Variants in RAMP2 observed in about 807,000 individuals in gnomAD.
The protein encoded by RAMP2 is receptor activity modifying protein 2, also known as receptor activity-modifying protein 2.
RAMP2 carries 11 observed loss-of-function variants against 18.2 expected under a neutral mutation model. The ratio of observed to expected loss-of-function variants is 0.60; its 90% CI spans 0.38 to 1.00. The LOEUF is 1.00. RAMP2 is among the 50% of genes least tolerant of loss of function. The probability of loss-of-function intolerance (pLI) is 0.01; values close to 1 mark genes in which losing one functional copy is unlikely to be tolerated. For missense variants in RAMP2, 191 were observed against 226.5 expected (o/e 0.84, Z 1.01); for synonymous variants, 86 against 90.8 (o/e 0.95, Z 0.30).
In RAMP2 at chr17:42,762,458, T is replaced by C; in HGVS notation, c.267T>C (p.Ile89=). The change falls in exon 3 of 4, where the codon ATT becomes ATC. Residue 89 remains isoleucine (I), a synonymous_variant. Coordinates refer to ENST00000253796, the MANE Select transcript of RAMP2 (RefSeq NM_005854.3). ...AGGATTGGTGCGACTGGGCCATGAT[T>C]AGCAGGTAGGGGCAGTGATGGAGGG... The part of the protein sequence containing the change: ...IEKDWCDWAM[I]SRPYSTLRDC... 6 of 1,614,024 alleles carry C rather than the reference T, an allele frequency of 3.7e-6. No homozygotes were observed. The highest frequency in any genetic ancestry group is 5.1e-6 in the Non-Finnish European group (6 of 1,179,954).
chr17:42,762,121 G>T (rs2054369397), intron 2 of RAMP2, among the ~76,000 whole-genome samples: 1 of 152,220 alleles, frequency 6.6e-6, no homozygotes, highest in South Asian at 2.1e-4. Context: ...AAGACCCCAG[G>T]AAAAGGTGTA....
At position 42,761,715 on chromosome 17, in the gene RAMP2, TTCC is replaced by T. The variant is rs2054365859; in HGVS notation, c.98-114_98-112del. ...TGAGGCGTCCGTGGGGGCTAGATTA[TTCC>T]TCCTTTTCTTCCAAGGTAGCCTATT... is the stretch of plus-strand genomic sequence containing the variant. On this transcript the variant is annotated intron_variant, in intron 1 of 3. Coordinates refer to ENST00000253796, the MANE Select transcript of RAMP2 (RefSeq NM_005854.3). The surrounding 1 kb of genome is among the most constrained non-coding windows in gnomAD (Gnocchi z 4.2). 1 of 862,216 alleles carries T rather than the reference TTCC, an allele frequency of 1.2e-6. No homozygotes were observed. The highest frequency in any genetic ancestry group is 1.9e-6 in the Non-Finnish European group (1 of 534,496). 53.4% of individuals were successfully genotyped at this position (862,216 alleles called of 1,614,324 possible).
Position 42,761,752 on chromosome 17 carries a change from G to A in RAMP2, c.98-82G>A. 8.3e-7 allele frequency: 1 copy of A among 1,204,174 alleles called. No individual in the cohort carries two copies. Among genetic ancestry groups the A allele is most frequent in the Non-Finnish European group, 1.2e-6 (1 of 818,750 alleles). The allele number at this position is 1,204,174 out of a possible 1,614,324, so 74.6% of individuals were successfully genotyped here. ...TTCCAAGGTAGCCTATTTTCGGAGG[G>A]TCTCAGTCCCCCAACCCCCCTCGCA... On this transcript the variant is annotated intron_variant, in intron 1 of 3. Coordinates refer to ENST00000253796, the MANE Select transcript of RAMP2 (RefSeq NM_005854.3). This position sits in a 1 kb window ranked among gnomAD's most constrained non-coding sequence, Gnocchi z 4.2.
chr17:42,762,308 T>G (rs956362548), intron 2 of RAMP2, 47 bp from the exon 3 acceptor site: 1 of 1,612,510 alleles, frequency 6.2e-7, no homozygotes, highest in Non-Finnish European at 8.5e-7. Context: ...GGAGGGTTTG[T>G]AGGGAGGGGT....
chr17:42,762,230 G>C (rs1486457301), intron 2 of RAMP2, 125 bp from the exon 3 acceptor site: 11 of 1,425,506 alleles, frequency 7.7e-6, no homozygotes, highest in Non-Finnish European at 7.8e-6. Flanking sequence ...AGAATGTTTT[G>C]CTAGGGAAAC....
Position 42,761,432 on chromosome 17 carries a change from G to A in RAMP2, c.97+74G>A. The A allele has an allele frequency of 1.7e-6, 2 of 1,184,908 alleles. No individual in the cohort carries two copies. The highest frequency in any genetic ancestry group is 4.0e-5 in the Admixed American group (1 of 24,770). The allele number at this position is 1,184,908 out of a possible 1,614,324, so 73.4% of individuals were successfully genotyped here. A position where few individuals can be genotyped will look rare whatever the true frequency, so the allele number is the denominator to read the frequency against. ...AGGGGAGAGGGGAGAGGGGAGAGGG[G>A]CTGGATGGCCGAGGCCGGAACGGGC... On this transcript the variant is annotated intron_variant, in intron 1 of 3. Coordinates refer to ENST00000253796, the MANE Select transcript of RAMP2 (RefSeq NM_005854.3). The surrounding 1 kb of genome is among the most constrained non-coding windows in gnomAD (Gnocchi z 4.2).
Position 42,761,658 on chromosome 17 carries a change from G to A in RAMP2, c.98-176G>A, listed in dbSNP as rs1469504053. Among the ~76,000 whole-genome samples, 2 of 152,124 alleles carry A rather than the reference G, an allele frequency of 1.3e-5. No homozygotes were observed. Among genetic ancestry groups the A allele is most frequent in the Non-Finnish European group, 2.9e-5 (2 of 67,990 alleles). On this transcript the variant is annotated intron_variant, in intron 1 of 3. Transcript: ENST00000253796. This position sits in a 1 kb window ranked among gnomAD's most constrained non-coding sequence, Gnocchi z 4.2. ...CTTTGGGCCTGGGTGTGAGTGACAA[G>A]GAGCTGGTGCCAGCCCCTCCCTCCC...
chr17:42,761,745 T>C lies in RAMP2; in HGVS notation c.98-89T>C. On this transcript the variant is annotated intron_variant, in intron 1 of 3. Transcript: ENST00000253796. This position sits in a 1 kb window ranked among gnomAD's most constrained non-coding sequence, Gnocchi z 4.2. ...CCTTTTCTTCCAAGGTAGCCTATTT[T>C]CGGAGGGTCTCAGTCCCCCAACCCC... is the stretch of plus-strand genomic sequence containing the variant. 1 of 1,107,670 alleles carries C rather than the reference T, an allele frequency of 9.0e-7. No individual in the cohort carries two copies. Among genetic ancestry groups the C allele is most frequent in the Admixed American group, 1.9e-5 (1 of 52,164 alleles). 68.6% of individuals were successfully genotyped at this position (1,107,670 alleles called of 1,614,324 possible).
rs1031381841 is a variant in RAMP2, at chr17:42,761,412, A to G, written c.97+54A>G. The G allele has an allele frequency of 1.0e-5, 12 of 1,199,728 alleles. No individual in the cohort carries two copies. The highest frequency in any genetic ancestry group is 1.3e-5 in the Non-Finnish European group (12 of 933,962). 74.3% of individuals were successfully genotyped at this position (1,199,728 alleles called of 1,614,324 possible). Reference sequence around the variant, plus strand: ...GGAGGCGCGAGAGGCCCCGGAGGGGAGAGGGGAGAGGGGAGAGGGGCTGGA... The same window carrying G: ...GGAGGCGCGAGAGGCCCCGGAGGGGGGAGGGGAGAGGGGAGAGGGGCTGGA... On this transcript the variant is annotated intron_variant, in intron 1 of 3. Coordinates refer to ENST00000253796, the MANE Select transcript of RAMP2 (RefSeq NM_005854.3). The surrounding 1 kb of genome is among the most constrained non-coding windows in gnomAD (Gnocchi z 4.2).
chr17:42,761,830 A>G lies in RAMP2; in HGVS notation c.98-4A>G, dbSNP rs570590492. The G allele has an allele frequency of 2.5e-6, 4 of 1,576,040 alleles. No homozygotes were observed. The South Asian group carries it at 4.4e-5, about 17-fold the overall frequency. On this transcript the variant is annotated splice_region_variant and splice_polypyrimidine_tract_variant and intron_variant, in intron 1 of 3. Coordinates refer to ENST00000253796, the MANE Select transcript of RAMP2 (RefSeq NM_005854.3). The surrounding 1 kb of genome is among the most constrained non-coding windows in gnomAD (Gnocchi z 4.2). ...TTACCCTCCTCTCCCGTTTCTTCCC[A>G]CAGCTGTCCTGAATCCCCACGAGGC... is the stretch of plus-strand genomic sequence containing the variant.
In RAMP2 at chr17:42,761,581, C is replaced by G. The variant is rs904781462; in HGVS notation, c.97+223C>G. 1.3e-5 allele frequency among the ~76,000 whole-genome samples: 2 copies of G among 152,100 alleles called. No individual in the cohort carries two copies. The highest frequency in any genetic ancestry group is 6.5e-5 in the Admixed American group (1 of 15,268). On this transcript the variant is annotated intron_variant, in intron 1 of 3. Coordinates refer to ENST00000253796, the MANE Select transcript of RAMP2 (RefSeq NM_005854.3). This position sits in a 1 kb window ranked among gnomAD's most constrained non-coding sequence, Gnocchi z 4.2. ...CCAGGGAAAGCTGGGGTGCTGGCCC[C>G]GGCCCCTCGAAGAGGGCTTAGGAGG...
intron 2 of RAMP2, 76 bp from the exon 3 acceptor site, chr17:42,762,279 C>G: frequency 6.2e-7 from 1 of 1,602,552 alleles, no homozygotes; most frequent in Non-Finnish European, 8.5e-7. Context: ...AGGCAGTTCA[C>G]CTTGCAAGCA....
In RAMP2 at chr17:42,762,697, C is replaced by A; in HGVS notation, c.373C>A (p.Gln125Lys). 1 of 1,614,118 alleles carries A rather than the reference C, an allele frequency of 6.2e-7. No individual in the cohort carries two copies. Among genetic ancestry groups the A allele is most frequent in the South Asian group, 1.1e-5 (1 of 91,088 alleles). The change falls in exon 4 of 4, where the codon CAG (glutamine) becomes AAG (lysine). Residue 125 changes from glutamine to lysine, a missense_variant. Gln to Lys is a moderately conservative substitution (Grantham distance 53, BLOSUM62 1). Coordinates refer to ENST00000253796, the MANE Select transcript of RAMP2 (RefSeq NM_005854.3). ...LAERIIFETH[Q>K]IHFANCSLVQ... The stretch of plus-strand genomic sequence containing the variant: ...AGAGAGGATCATCTTTGAGACTCAC[C>A]AGATCCACTTTGCCAACTGCTCCCT...
Position 42,761,509 on chromosome 17 carries a change from G to A in RAMP2, c.97+151G>A. On this transcript the variant is annotated intron_variant, in intron 1 of 3. Coordinates refer to ENST00000253796, the MANE Select transcript of RAMP2 (RefSeq NM_005854.3). The surrounding 1 kb of genome is among the most constrained non-coding windows in gnomAD (Gnocchi z 4.2). ...ACCTAGCAGCACTGGCCCTCGGACG[G>A]TCCCTGACCCCACCTCGGGGCGGGC... 1 of 733,384 alleles carries A rather than the reference G, an allele frequency of 1.4e-6. No individual in the cohort carries two copies. The highest frequency in any genetic ancestry group is 2.1e-6 in the Non-Finnish European group (1 of 471,020). The allele number at this position is 733,384 out of a possible 1,614,324, so 45.4% of individuals were successfully genotyped here. A position where few individuals can be genotyped will look rare whatever the true frequency, so the allele number is the denominator to read the frequency against.
At position 42,761,793 on chromosome 17, in the gene RAMP2, G is replaced by A. The variant is rs769611951; in HGVS notation, c.98-41G>A. ...CCCCCTCGCAGGCTCCACTGCCGGGGTCCCCGCTATGTTACCCTCCTCTCC... is the reference window on the plus strand; with the variant it reads ...CCCCCTCGCAGGCTCCACTGCCGGGATCCCCGCTATGTTACCCTCCTCTCC... On this transcript the variant is annotated intron_variant, in intron 1 of 3. Coordinates refer to ENST00000253796, the MANE Select transcript of RAMP2 (RefSeq NM_005854.3). The surrounding 1 kb of genome is among the most constrained non-coding windows in gnomAD (Gnocchi z 4.2). The A allele has an allele frequency of 4.6e-6, 7 of 1,520,508 alleles. No individual in the cohort carries two copies. Among genetic ancestry groups the A allele is most frequent in the Admixed American group, 3.3e-5 (2 of 59,758 alleles). 94.2% of individuals were successfully genotyped at this position (1,520,508 alleles called of 1,614,324 possible).
chr17:42,762,834 C>G lies in RAMP2; in HGVS notation c.510C>G (p.Asp170Glu). The change falls in exon 4 of 4, where the codon GAC becomes GAG. Residue 170 changes from aspartate to glutamate, a missense_variant. Coordinates refer to ENST00000253796, the MANE Select transcript of RAMP2 (RefSeq NM_005854.3). ...CTCTTGTAGTATGGAGGAGTAAAGA[C>G]AGTGAGGCCCAGGCCTAGGGGGCCA... ...LITLVVWRSK[D>E]SEAQA The G allele has an allele frequency of 3.7e-6, 6 of 1,604,108 alleles. No individual in the cohort carries two copies. Among genetic ancestry groups the G allele is most frequent in the Non-Finnish European group, 5.1e-6 (6 of 1,173,128 alleles).
Position 42,761,284 on chromosome 17 carries a change from G to T in RAMP2, c.23G>T (p.Arg8Leu). The T allele has an allele frequency of 7.3e-7, 1 of 1,364,350 alleles. No individual in the cohort carries two copies. The allele number at this position is 1,364,350 out of a possible 1,614,324, so 84.5% of individuals were successfully genotyped here. ...ACGATGGCCTCGCTCCGGGTGGAGC[G>T]CGCCGGCGGCCCGCGTCTCCCTAGG... MASLRVE[R>L]AGGPRLPRTR... is the part of the protein sequence containing the mutation. The change falls in exon 1 of 4, where the codon CGC becomes CTC. Residue 8 changes from arginine (R) to leucine (L), a missense_variant. Arg to Leu is a moderately radical substitution (Grantham distance 102). Coordinates refer to ENST00000253796, the MANE Select transcript of RAMP2 (RefSeq NM_005854.3). The surrounding 1 kb of genome is among the most constrained non-coding windows in gnomAD (Gnocchi z 4.2).
rs2054375496 is a variant in RAMP2 at position 42,763,020 on chromosome 17, A to C, written c.*168A>C. On this transcript the variant is annotated 3_prime_UTR_variant, in exon 4 of 4. Coordinates refer to ENST00000253796, the MANE Select transcript of RAMP2 (RefSeq NM_005854.3). The stretch of plus-strand genomic sequence containing the variant: ...TGGCACAAGTTCTGTAATCTTCAAA[A>C]TAAAACTTTTTTTTTGTACAATGTC... 2.5e-6 allele frequency: 2 copies of C among 794,680 alleles called. No homozygotes were observed. The highest frequency in any genetic ancestry group is 3.8e-4 in the Middle Eastern group (1 of 2,620). The allele number at this position is 794,680 out of a possible 1,614,324, so 49.2% of individuals were successfully genotyped here.
In RAMP2 at chr17:42,761,299, G is replaced by A. The variant is rs1469199645; in HGVS notation, c.38G>A (p.Arg13His). ...CGGGTGGAGCGCGCCGGCGGCCCGC[G>A]TCTCCCTAGGACCCGAGTCGGGCGG... ...SLRVERAGGP[R>H]LPRTRVGRPA... Residue 13 changes from arginine to histidine, a missense_variant, in exon 1 of 4, where the codon CGT (arginine) becomes CAT (histidine). Physicochemically the swap from Arg to His is conservative, Grantham distance 29 (BLOSUM62 0). Transcript: ENST00000253796. This position sits in a 1 kb window ranked among gnomAD's most constrained non-coding sequence, Gnocchi z 4.2. 3.5e-5 allele frequency: 49 copies of A among 1,394,494 alleles called. No homozygotes were observed. Among genetic ancestry groups the A allele is most frequent in the Non-Finnish European group, 4.3e-5 (46 of 1,078,160 alleles). The allele number at this position is 1,394,494 out of a possible 1,614,324, so 86.4% of individuals were successfully genotyped here.
Sources: allele counts gnomAD v4.1 joint callset (sites outside exome capture counted in the v4.1 genomes callset), GRCh38; gene constraint gnomAD v4.1.1; non-coding constraint Gnocchi (gnomAD v3.1); transcripts MANE v1.5; gene names NCBI Gene and HGNC (gene_info 2026-07-23, HGNC 2026-07-21).